The following ABCD3 variants were observed in gnomAD, a reference collection of about 807,000 sequenced individuals.
ABCD3 encodes ATP-binding cassette sub-family D member 3.
ABCD3 carries 41 observed loss-of-function variants against 105.5 expected under a neutral mutation model. The observed-to-expected ratio is 0.39, with a 90% CI of 0.30 to 0.50. The LOEUF (loss-of-function observed/expected upper bound fraction) is 0.50. ABCD3 is among the 20% of genes least tolerant of loss of function. The pLI, the probability that ABCD3 is intolerant of heterozygous loss-of-function variation, is 0.84. For synonymous variants in ABCD3, 258 were observed against 269.0 expected (o/e 0.96, Z 0.40); for missense variants, 622 against 806.3 (o/e 0.77, Z 2.77).
intron 16 of ABCD3, among the ~76,000 whole-genome samples, chr1:94,493,799 A>G (rs536980847): frequency 2.4e-4 from 37 of 152,314 alleles, no homozygotes; most frequent in African/African-American, 8.9e-4. Context: ...TTGTAGGGAC[A>G]TGGATGAAAT....
intron 1 of ABCD3, among the ~76,000 whole-genome samples, chr1:94,443,624 C>A (rs764078934): frequency 6.6e-6 from 1 of 152,098 alleles, no homozygotes; most frequent in Non-Finnish European, 1.5e-5. Context: ...TTAGGTCTTA[C>A]GATAAGGTCA....
At chr1:94,503,719 A>G (rs1278353964) in intron 20 of ABCD3, among the ~76,000 whole-genome samples, 2 of 152,004 alleles carry the variant, frequency 1.3e-5, no homozygotes, top group East Asian at 3.9e-4. Context: ...TGTTTTAGTC[A>G]TTCATTTATT....
chr1:94,470,269 A>G (rs1648385658), intron 4 of ABCD3, among the ~76,000 whole-genome samples: 1 of 152,102 alleles, frequency 6.6e-6, no homozygotes, highest in African/African-American at 2.4e-5. Flanking sequence ...TGAGAACATC[A>G]CTCTGTTCTG....
chr1:94,468,555 T>C (rs1053628233), intron 4 of ABCD3, among the ~76,000 whole-genome samples: 1 of 152,294 alleles, frequency 6.6e-6, no homozygotes, highest in African/African-American at 2.4e-5. Flanking sequence ...AAAATGTCAG[T>C]TGGGATATCT....
intron 4 of ABCD3, among the ~76,000 whole-genome samples, chr1:94,470,941 T>C (rs566172024): frequency 2.2e-4 from 33 of 152,338 alleles, no homozygotes; most frequent in African/African-American, 6.7e-4. Context: ...AATGTGTTTT[T>C]AGCTCCCTGC....
At chr1:94,432,236 C>G (rs1323628451) in intron 1 of ABCD3, among the ~76,000 whole-genome samples, 6 of 152,134 alleles carry the variant, frequency 3.9e-5, no homozygotes, top group Admixed American at 2.6e-4. Flanking sequence ...ACTACAAATG[C>G]ATAGAAAATT....
At chr1:94,401,841 C>T in the ABCD3 span, among the ~76,000 whole-genome samples, 4 of 152,132 alleles carry the variant, frequency 2.6e-5, no homozygotes, top group African/African-American at 7.2e-5. Flanking sequence ...ATAAAAGGCA[C>T]AGGTCTTAAG....
At chr1:94,493,735 C>T (rs1409642584) in intron 16 of ABCD3, among the ~76,000 whole-genome samples, 2 of 152,246 alleles carry the variant, frequency 1.3e-5, no homozygotes, top group African/African-American at 4.8e-5. Context: ...AAATGTGGCA[C>T]ATATACACCA....
intron 1 of ABCD3, among the ~76,000 whole-genome samples, chr1:94,444,702 A>G (rs1358755860): frequency 6.6e-6 from 1 of 152,140 alleles, no homozygotes; most frequent in Admixed American, 6.5e-5. Context: ...CAGTGGTTTC[A>G]GCGATTATCT....
chr1:94,512,148 C>G (rs899171426), intron 21 of ABCD3, among the ~76,000 whole-genome samples: 1 of 151,852 alleles, frequency 6.6e-6, no homozygotes, highest in Non-Finnish European at 1.5e-5. Flanking sequence ...CTTTGGTGAC[C>G]GTGATGTACA....
chr1:94,408,337 C>A, the ABCD3 span, among the ~76,000 whole-genome samples: 1 of 151,864 alleles, frequency 6.6e-6, no homozygotes, highest in Non-Finnish European at 1.5e-5. Flanking sequence ...CATTCCAGCA[C>A]TTTGGGAGGC....
At chr1:94,450,575 C>T (rs1293764434) in intron 1 of ABCD3, among the ~76,000 whole-genome samples, 1 of 152,248 alleles carries the variant, frequency 6.6e-6, no homozygotes, top group African/African-American at 2.4e-5. Flanking sequence ...CCTTTATTTC[C>T]CGTAAGAAAT....
chr1:94,434,279 A>G (rs534675200), intron 1 of ABCD3, among the ~76,000 whole-genome samples: 2 of 152,206 alleles, frequency 1.3e-5, no homozygotes, highest in Non-Finnish European at 2.9e-5. Flanking sequence ...GCTGTCATTC[A>G]TATGATAGCA....
the ABCD3 span, among the ~76,000 whole-genome samples, chr1:94,393,093 G>A: frequency 4.0e-5 from 6 of 151,842 alleles, no homozygotes; most frequent in South Asian, 4.2e-4. Flanking sequence ...GTGACAGATC[G>A]AGACTCCATC....
At chr1:94,489,577 ATG>A (rs1207395551) in intron 13 of ABCD3, 146 bp from the exon 14 acceptor site, 9 of 391,632 alleles carry the variant, frequency 2.3e-5, no homozygotes, top group Non-Finnish European at 3.8e-5. Context: ...TAAAGCACAC[ATG>A]TTATCATTAA....
At chr1:94,485,314 A>G (rs1440102751) in intron 10 of ABCD3, among the ~76,000 whole-genome samples, 1 of 152,200 alleles carries the variant, frequency 6.6e-6, no homozygotes, top group African/African-American at 2.4e-5. Context: ...GACATGATGG[A>G]TAAAATCTTG....
chr1:94,461,717 G>T (rs1647879862), intron 2 of ABCD3, among the ~76,000 whole-genome samples: 1 of 151,952 alleles, frequency 6.6e-6, no homozygotes, highest in African/African-American at 2.4e-5. Flanking sequence ...ATGTAATATT[G>T]GTGTACATCA....
intron 21 of ABCD3, among the ~76,000 whole-genome samples, chr1:94,509,512 T>C (rs1318683244): frequency 3.9e-5 from 6 of 152,246 alleles, no homozygotes; most frequent in African/African-American, 1.4e-4. Flanking sequence ...TGAAATGAGT[T>C]AGGGAGGATC....
intron 2 of ABCD3, among the ~76,000 whole-genome samples, chr1:94,463,712 G>A (rs1244388726): frequency 6.6e-6 from 1 of 152,098 alleles, no homozygotes; most frequent in African/African-American, 2.4e-5. Context: ...AAATGGTTTA[G>A]TACTTCCATT....
Sources: gnomAD v4.1 joint callset for allele counts (sites outside exome capture counted in the v4.1 genomes callset) on GRCh38, gnomAD v4.1.1 for gene constraint, MANE v1.5 for transcripts, NCBI Gene and HGNC (gene_info 2026-07-23, HGNC 2026-07-21) for gene names.